KCNMB2: variants seen among roughly 807,000 people sequenced by gnomAD.
The protein encoded by KCNMB2 is calcium-activated potassium channel subunit beta-2.
In KCNMB2, 9 loss-of-function variants were observed where a neutral mutation model predicts 24.5. The observed-to-expected ratio is 0.37, with a 90% CI of 0.22 to 0.64. The LOEUF is 0.64. KCNMB2 is among the 30% of genes least tolerant of loss of function. The pLI, the probability that KCNMB2 is intolerant of heterozygous loss-of-function variation, is 0.63. For missense variants in KCNMB2, 226 were observed against 284.3 expected (o/e 0.79, Z 1.47); for synonymous variants, 109 against 104.4 (o/e 1.04, Z -0.27).
chr3:178,645,976 G>A (rs1314201324), intron 1 of KCNMB2, among the ~76,000 whole-genome samples: 5 of 152,070 alleles, frequency 3.3e-5, no homozygotes, highest in African/African-American at 4.8e-5. Flanking sequence ...ACATAATGAG[G>A]GCACATATTT....
chr3:178,636,001 T>C (rs1454744683), intron 1 of KCNMB2, among the ~76,000 whole-genome samples: 1 of 152,214 alleles, frequency 6.6e-6, no homozygotes, highest in Non-Finnish European at 1.5e-5. Context: ...GTGCACTTCA[T>C]GTTATGTATG....
At chr3:178,602,745 G>A (rs183597558) in intron 1 of KCNMB2, among the ~76,000 whole-genome samples, 26 of 152,256 alleles carry the variant, frequency 1.7e-4, no homozygotes, top group East Asian at 1.9e-4. Context: ...GTGGGTTGAC[G>A]TTGGTGAGGT....
At chr3:178,768,515 T>C (rs1451901878) in intron 1 of KCNMB2, among the ~76,000 whole-genome samples, 2 of 152,190 alleles carry the variant, frequency 1.3e-5, no homozygotes, top group East Asian at 3.8e-4. Context: ...GAAAAAAATA[T>C]ATATTCAGTA....
chr3:178,546,542 TAAA>T (rs1334231108), intron 1 of KCNMB2, among the ~76,000 whole-genome samples: 1 of 152,218 alleles, frequency 6.6e-6, no homozygotes, highest in East Asian at 1.9e-4. Flanking sequence ...CTACACGTTT[TAAA>T]AATTCATTCT....
chr3:178,743,232 G>T (rs1559998323), intron 1 of KCNMB2, among the ~76,000 whole-genome samples: 1 of 152,180 alleles, frequency 6.6e-6, no homozygotes, highest in East Asian at 1.9e-4. Flanking sequence ...GAAGTTGTAA[G>T]TGTCTGAATT....
chr3:178,710,725 T>C lies in KCNMB2; in HGVS notation c.-67-96618T>C, dbSNP rs530933464. Reference sequence around the variant, plus strand: ...AAAGCCATTTAAAACATTCAAATTCTCCCTAGTACTAAATGGGGTAGAAAG... The same window carrying C: ...AAAGCCATTTAAAACATTCAAATTCCCCCTAGTACTAAATGGGGTAGAAAG... On this transcript the variant is annotated intron_variant, in intron 1 of 4. Coordinates refer to ENST00000452583, the MANE Select transcript of KCNMB2 (RefSeq NM_181361.3). Among the ~76,000 whole-genome samples, 3 of 152,272 alleles carry C rather than the reference T, an allele frequency of 2.0e-5. No homozygotes were observed. In the South Asian group the frequency reaches 6.2e-4, roughly 32 times the overall value.
intron 1 of KCNMB2, among the ~76,000 whole-genome samples, chr3:178,561,415 T>C (rs1267854275): frequency 6.6e-6 from 1 of 152,220 alleles, no homozygotes; most frequent in East Asian, 1.9e-4. Flanking sequence ...TGTGTGGAGT[T>C]GCGCAACTAG....
intron 1 of KCNMB2, among the ~76,000 whole-genome samples, chr3:178,588,559 A>G (rs991021885): frequency 2.6e-4 from 40 of 152,218 alleles, no homozygotes; most frequent in African/African-American, 8.7e-4. Context: ...TTTCTCATGT[A>G]CCAGACACAC....
chr3:178,632,760 A>G (rs1719367805), intron 1 of KCNMB2, among the ~76,000 whole-genome samples: 1 of 152,208 alleles, frequency 6.6e-6, no homozygotes, highest in African/African-American at 2.4e-5. Flanking sequence ...AGTTCCCCAA[A>G]GTCTTAGCTC....
intron 1 of KCNMB2, among the ~76,000 whole-genome samples, chr3:178,692,130 T>G (rs1721702126): frequency 6.6e-6 from 1 of 152,230 alleles, no homozygotes; most frequent in African/African-American, 2.4e-5. Context: ...TCCTTAGAGA[T>G]GCTGGATATT....
At chr3:178,789,881 C>G (rs1713254022) in intron 1 of KCNMB2, among the ~76,000 whole-genome samples, 1 of 151,964 alleles carries the variant, frequency 6.6e-6, no homozygotes, top group African/African-American at 2.4e-5. Context: ...GGGCTTATAG[C>G]CTGTGGACTT....
intron 1 of KCNMB2, among the ~76,000 whole-genome samples, chr3:178,715,807 T>C (rs1210056442): frequency 6.6e-6 from 1 of 152,182 alleles, no homozygotes; most frequent in Non-Finnish European, 1.5e-5. Flanking sequence ...CTTGGCTTAG[T>C]GAGCTTCCCT....
intron 1 of KCNMB2, among the ~76,000 whole-genome samples, chr3:178,648,597 T>G (rs976755085): frequency 2.0e-5 from 3 of 152,306 alleles, no homozygotes; most frequent in Non-Finnish European, 4.4e-5. Context: ...TTCTTTGTTC[T>G]CTTAACACTT....
At chr3:178,572,965 G>T (rs973175862) in intron 1 of KCNMB2, among the ~76,000 whole-genome samples, 1 of 152,016 alleles carries the variant, frequency 6.6e-6, no homozygotes, top group African/African-American at 2.4e-5. Context: ...ATTGTAGTAG[G>T]TTCTCCAGAA....
intron 1 of KCNMB2, among the ~76,000 whole-genome samples, chr3:178,719,706 CA>C (rs1376549211): frequency 3.9e-5 from 6 of 152,258 alleles, no homozygotes; most frequent in Non-Finnish European, 1.5e-5. Context: ...TCTTTATGTC[CA>C]AATATACATT....
rs149359950 is a variant in KCNMB2 at position 178,665,780 on chromosome 3, C to T, written c.-68+129069C>T. On this transcript the variant is annotated intron_variant, in intron 1 of 4. Transcript: ENST00000452583. The stretch of plus-strand genomic sequence containing the variant: ...TTTATCTTCCAGAATGAGATACTCA[C>T]GAATGTGTGAACAAATAAATATGTA... Among the ~76,000 whole-genome samples, 217 of 152,188 alleles carry T rather than the reference C, an allele frequency of 1.4e-3. 1 individual carries two copies. Among genetic ancestry groups the T allele is most frequent in the East Asian group, 9.5e-3 (49 of 5,180 alleles).
chr3:178,661,887 C>G (rs969320797), intron 1 of KCNMB2, among the ~76,000 whole-genome samples: 4 of 152,094 alleles, frequency 2.6e-5, no homozygotes, highest in Non-Finnish European at 5.9e-5. Context: ...ACAATACACA[C>G]TACTAGATCT....
chr3:178,597,217 CA>C (rs1331803699), intron 1 of KCNMB2, among the ~76,000 whole-genome samples: 1 of 152,064 alleles, frequency 6.6e-6, no homozygotes, highest in Non-Finnish European at 1.5e-5. Flanking sequence ...GCTCCTCAGC[CA>C]GTTGAAAATC....
chr3:178,592,272 G>A (rs1291790293), intron 1 of KCNMB2, among the ~76,000 whole-genome samples: 1 of 152,148 alleles, frequency 6.6e-6, no homozygotes, highest in Non-Finnish European at 1.5e-5. Context: ...GAAAGGCATA[G>A]TTTGACTGCG....
Sources: gnomAD v4.1 joint callset for allele counts (sites outside exome capture counted in the v4.1 genomes callset) on GRCh38, gnomAD v4.1.1 for gene constraint, MANE v1.5 for transcripts, NCBI Gene and HGNC (gene_info 2026-07-23, HGNC 2026-07-21) for gene names.